Variants in SPATA16 observed in about 807,000 individuals in gnomAD.
SPATA16 encodes the protein spermatogenesis associated 16.
SPATA16 carries 36 observed loss-of-function variants against 63.3 expected under a neutral mutation model. The ratio of observed to expected loss-of-function variants is 0.57; its 90% confidence interval spans 0.44 to 0.75. The LOEUF is 0.75. SPATA16 is among the 30% of genes least tolerant of loss of function. The pLI is 0.00. For missense variants in SPATA16, 646 were observed against 679.3 expected (o/e 0.95, Z 0.54); for synonymous variants, 203 against 216.7 (o/e 0.94, Z 0.56).
At chr3:173,101,095 A>G (rs1371414686) in intron 2 of SPATA16, among the ~76,000 whole-genome samples, 1 of 152,180 alleles carries the variant, frequency 6.6e-6, no homozygotes, top group African/African-American at 2.4e-5. Context: ...ACTGGGTATG[A>G]AAGACTCCTT....
chr3:173,009,951 C>T (rs760934309), intron 4 of SPATA16, among the ~76,000 whole-genome samples: 10 of 152,150 alleles, frequency 6.6e-5, no homozygotes, highest in Non-Finnish European at 1.2e-4. Flanking sequence ...AATAAAGTTC[C>T]GTGACCAGTC....
intron 4 of SPATA16, among the ~76,000 whole-genome samples, chr3:172,998,993 A>AT (rs966668469): frequency 6.7e-5 from 10 of 150,244 alleles, no homozygotes; most frequent in East Asian, 2.0e-4. Context: ...CTGGTAGGCA[A>AT]TTTTTTTTTT....
chr3:172,925,790 T>C (rs2109579237), intron 6 of SPATA16, among the ~76,000 whole-genome samples: 1 of 152,246 alleles, frequency 6.6e-6, no homozygotes, highest in East Asian at 1.9e-4. Flanking sequence ...GCTTGCAGGC[T>C]TATTATTTTT....
At chr3:173,019,772 G>A (rs1735278581) in intron 3 of SPATA16, among the ~76,000 whole-genome samples, 197 bp from the exon 4 acceptor site, 2 of 151,990 alleles carry the variant, frequency 1.3e-5, no homozygotes, top group South Asian at 2.1e-4. Context: ...AACTAATTAA[G>A]TTTGCATTAT....
chr3:173,082,328 T>G (rs771285080), intron 2 of SPATA16, among the ~76,000 whole-genome samples: 2 of 152,212 alleles, frequency 1.3e-5, no homozygotes, highest in African/African-American at 2.4e-5. Context: ...CAAATTAGAA[T>G]TCTCAGAATC....
chr3:173,013,644 A>G (rs140241361), intron 4 of SPATA16, among the ~76,000 whole-genome samples: 12 of 152,360 alleles, frequency 7.9e-5, no homozygotes, highest in Admixed American at 1.3e-4. Flanking sequence ...GACTGTTGCT[A>G]TGCAACCCAG....
chr3:173,025,644 C>G (rs1735434968), intron 3 of SPATA16, among the ~76,000 whole-genome samples: 1 of 151,906 alleles, frequency 6.6e-6, no homozygotes, highest in African/African-American at 2.4e-5. Context: ...CTGGCAACCA[C>G]TGATCTATTT....
intron 3 of SPATA16, among the ~76,000 whole-genome samples, chr3:173,045,741 A>C (rs950994551): frequency 6.6e-6 from 1 of 151,966 alleles, no homozygotes; most frequent in Non-Finnish European, 1.5e-5. Context: ...TATATATGCT[A>C]ATATTTATTT....
intron 6 of SPATA16, among the ~76,000 whole-genome samples, chr3:172,937,277 CT>C (rs1733022561): frequency 6.6e-6 from 1 of 152,066 alleles, no homozygotes; most frequent in Admixed American, 6.6e-5. Context: ...GAGGAGGAAC[CT>C]TTGATTGGTT....
intron 2 of SPATA16, among the ~76,000 whole-genome samples, chr3:173,070,830 A>G (rs1736657461): frequency 6.6e-6 from 1 of 152,228 alleles, no homozygotes; most frequent in Non-Finnish European, 1.5e-5. Context: ...AACACCGGAA[A>G]GATGTTCCAT....
chr3:173,030,980 GA>G (rs1293012539), intron 3 of SPATA16, among the ~76,000 whole-genome samples: 1 of 152,062 alleles, frequency 6.6e-6, no homozygotes, highest in Non-Finnish European at 1.5e-5. Context: ...CAGACACAAA[GA>G]GAGAAATACT....
intron 2 of SPATA16, among the ~76,000 whole-genome samples, chr3:173,057,640 G>A (rs914172408): frequency 6.6e-6 from 1 of 152,056 alleles, no homozygotes; most frequent in African/African-American, 2.4e-5. Context: ...TAGTATGTGG[G>A]ATTCTCCCCA....
chr3:172,970,419 A>T (rs150634394), intron 5 of SPATA16, among the ~76,000 whole-genome samples: 1 of 152,200 alleles, frequency 6.6e-6, no homozygotes, highest in African/African-American at 2.4e-5. Flanking sequence ...TTACAATTCT[A>T]TTCAGAGGTA....
chr3:172,976,791 C>T (rs1217337825), intron 5 of SPATA16, among the ~76,000 whole-genome samples, 177 bp downstream of exon 5: 4 of 151,818 alleles, frequency 2.6e-5, no homozygotes, highest in African/African-American at 9.7e-5. Flanking sequence ...TGAATTTTGC[C>T]CCTAGAATTA....
chr3:173,089,173 C>T (rs970571293), intron 2 of SPATA16, among the ~76,000 whole-genome samples: 1 of 152,248 alleles, frequency 6.6e-6, no homozygotes, highest in East Asian at 1.9e-4. Context: ...GAAAATATGG[C>T]TCAGAATACA....
chr3:172,915,454 C>T lies in SPATA16; in HGVS notation c.1503+863G>A, dbSNP rs764710922. Among the ~76,000 whole-genome samples the T allele has an allele frequency of 2.5e-4, 38 of 152,170 alleles. 1 individual carries two copies. The Middle Eastern group carries it at 0.034, about 136-fold the overall frequency. ...ACAGGTAATCAGTTTGGGCTGTTCT[C>T]ATCATTACTATGTGAATTCAATTCA... is the stretch of plus-strand genomic sequence containing the variant. On this transcript the variant is annotated intron_variant, in intron 9 of 10. Transcript: ENST00000351008.
At chr3:173,023,780 G>A (rs1437551396) in intron 3 of SPATA16, among the ~76,000 whole-genome samples, 1 of 151,042 alleles carries the variant, frequency 6.6e-6, no homozygotes, top group Non-Finnish European at 1.5e-5. Context: ...CTAATTTCTT[G>A]TTAATTCTTA....
chr3:172,941,461 G>T (rs1382223973), intron 6 of SPATA16, among the ~76,000 whole-genome samples: 10 of 152,130 alleles, frequency 6.6e-5, no homozygotes, highest in African/African-American at 2.4e-5. Flanking sequence ...AGAGATAAAA[G>T]AAGATTATCT....
chr3:172,924,269 A>T lies in SPATA16; in HGVS notation c.1277T>A (p.Met426Lys). Residue 426 changes from methionine to lysine, a missense_variant, in exon 8 of 11, where the codon ATG (methionine) becomes AAG (lysine). Met to Lys is a moderately conservative substitution (Grantham distance 95). Coordinates refer to ENST00000351008, the MANE Select transcript of SPATA16 (RefSeq NM_031955.6). Reference sequence around the variant, plus strand: ...CAAGATTCGCTTCCCCATTGTCTCCATTTGCCTCACTGTATCTTCTCTGGT... The same window carrying T: ...CAAGATTCGCTTCCCCATTGTCTCCTTTTGCCTCACTGTATCTTCTCTGGT... ...GLTREDTVRQMETMGKRILPI... is the reference protein window; with the variant it reads ...GLTREDTVRQKETMGKRILPI... 6.2e-7 allele frequency: 1 copy of T among 1,613,494 alleles called. No individual in the cohort carries two copies. Among genetic ancestry groups the T allele is most frequent in the Non-Finnish European group, 8.5e-7 (1 of 1,179,710 alleles).
Sources: allele counts gnomAD v4.1 joint callset (sites outside exome capture counted in the v4.1 genomes callset), GRCh38; gene constraint gnomAD v4.1.1; transcripts MANE v1.5; gene names NCBI Gene and HGNC (gene_info 2026-07-23, HGNC 2026-07-21).